Variants in PARG observed in about 807,000 individuals in gnomAD.
The protein encoded by PARG is poly(ADP-ribose) glycohydrolase.
A neutral mutation model predicts 113.0 loss-of-function variants in PARG; 35 were observed. That is an observed-to-expected ratio of 0.31 (90% CI 0.24 to 0.41). PARG has a LOEUF of 0.41. Among genes scored for constraint, PARG ranks in the 10% least tolerant of loss-of-function variants. The pLI, the probability that PARG is intolerant of heterozygous loss-of-function variation, is 1.00. For synonymous variants in PARG, 330 were observed against 409.9 expected, an observed-to-expected ratio of 0.81 and a Z score of 2.36; for missense variants, 797 against 1,169.4, an observed-to-expected ratio of 0.68 and a Z score of 4.64.
At chr10:49,848,813 G>C (rs1372961133) in intron 13 of PARG, among the ~76,000 whole-genome samples, 1 of 152,002 alleles carries the variant, frequency 6.6e-6, no homozygotes, top group African/African-American at 2.4e-5. Flanking sequence ...AAATGCTTAC[G>C]GATAAATCTG....
intron 4 of PARG, among the ~76,000 whole-genome samples, chr10:49,922,982 A>G (rs1837965467): frequency 6.6e-6 from 1 of 152,192 alleles, no homozygotes; most frequent in African/African-American, 2.4e-5. Context: ...AACCCTTTCT[A>G]AAGAACTCCC....
At chr10:49,870,029 C>T (rs1436685182) in intron 9 of PARG, among the ~76,000 whole-genome samples, 3 of 152,088 alleles carry the variant, frequency 2.0e-5, no homozygotes, top group African/African-American at 7.3e-5. Context: ...GCAGGTATAA[C>T]AAGATATCAG....
At chr10:49,830,307 T>C (rs1844594456) in intron 16 of PARG, among the ~76,000 whole-genome samples, 1 of 152,208 alleles carries the variant, frequency 6.6e-6, no homozygotes, top group South Asian at 2.1e-4. Context: ...AAAAAGTATC[T>C]GTCGTAAGAT....
chr10:49,836,306 A>C (rs147172765), intron 15 of PARG, among the ~76,000 whole-genome samples: 1,558 of 26,278 alleles, frequency 0.059, 41 homozygotes, highest in Middle Eastern at 0.17. Flanking sequence ...ATTTCTTACG[A>C]CTTTTTTTTT....
chr10:49,907,252 A>G (rs1836904783), intron 7 of PARG, among the ~76,000 whole-genome samples: 1 of 152,228 alleles, frequency 6.6e-6, no homozygotes, highest in Non-Finnish European at 1.5e-5. Context: ...AACTTCATTA[A>G]CACACTATAA....
chr10:49,926,056 G>A (rs1214566947), intron 4 of PARG, among the ~76,000 whole-genome samples: 9 of 152,184 alleles, frequency 5.9e-5, no homozygotes, highest in Admixed American at 5.9e-4. Context: ...TAGATAAGGT[G>A]GGCATGTGAA....
At chr10:49,924,969 A>C (rs1838079707) in intron 4 of PARG, among the ~76,000 whole-genome samples, 2 of 152,166 alleles carry the variant, frequency 1.3e-5, no homozygotes, top group African/African-American at 4.8e-5. Context: ...AGCAAGGCTG[A>C]GCTCTGCCTT....
In PARG at chr10:49,885,089, T is replaced by C. The variant is rs186942984; in HGVS notation, c.1830+114A>G. 12 of 741,088 alleles carry C rather than the reference T, an allele frequency of 1.6e-5. No homozygotes were observed. In the East Asian group the frequency reaches 2.8e-4, roughly 17 times the overall value. 45.9% of individuals were successfully genotyped at this position (741,088 alleles called of 1,614,324 possible). On this transcript the variant is annotated intron_variant, in intron 8 of 17. Coordinates refer to ENST00000616448, the MANE Select transcript of PARG (RefSeq NM_003631.5). ...CTCTTCCTCTCTCTCTCTCTCTCTCTCTCTCTGTCTCTCTGTCTCTCTCTC... is the reference window on the plus strand; with the variant it reads ...CTCTTCCTCTCTCTCTCTCTCTCTCCCTCTCTGTCTCTCTGTCTCTCTCTC...
intron 7 of PARG, among the ~76,000 whole-genome samples, chr10:49,907,961 CA>C (rs1554845398): frequency 6.6e-6 from 1 of 152,166 alleles, no homozygotes; most frequent in Non-Finnish European, 1.5e-5. Context: ...AGTTATAGGA[CA>C]AACTAAGTAC....
At chr10:49,884,159 A>C (rs1554839982) in intron 8 of PARG, among the ~76,000 whole-genome samples, 2 of 151,658 alleles carry the variant, frequency 1.3e-5, no homozygotes, top group Non-Finnish European at 2.9e-5. Flanking sequence ...CCTGATCCAC[A>C]ACCACTCAGT....
chr10:49,906,753 T>C (rs1308068800), intron 7 of PARG, among the ~76,000 whole-genome samples: 1 of 152,112 alleles, frequency 6.6e-6, no homozygotes, highest in African/African-American at 2.4e-5. Flanking sequence ...TCGCCAAAGA[T>C]AACCAAATAA....
intron 8 of PARG, among the ~76,000 whole-genome samples, chr10:49,881,180 C>T (rs1163788778): frequency 1.3e-5 from 2 of 152,124 alleles, no homozygotes; most frequent in African/African-American, 4.8e-5. Context: ...TTGAATCTAC[C>T]TAAGACCTGT....
At position 49,832,828 on chromosome 10, in the gene PARG, G is replaced by A. The variant is rs1554830490; in HGVS notation, c.2622C>T (p.Ala874=). ...AVATGNWGCG[A]FGGDARLKAL... is the part of the protein sequence containing the mutation. Reference sequence around the variant, plus strand: ...CTTTTAACCTGGCATCACCCCCAAAGGCACCACAGCCCCAGTTTCCTGTGG... The same window carrying A: ...CTTTTAACCTGGCATCACCCCCAAAAGCACCACAGCCCCAGTTTCCTGTGG... The change falls in exon 16 of 18, where the codon GCC becomes GCT. Residue 874 remains alanine, a synonymous_variant. Transcript: ENST00000616448. 1 of 1,548,674 alleles carries A rather than the reference G, an allele frequency of 6.5e-7. No individual in the cohort carries two copies. Among genetic ancestry groups the A allele is most frequent in the Non-Finnish European group, 8.7e-7 (1 of 1,144,492 alleles).
chr10:49,931,989 T>C (rs1838510415), intron 4 of PARG, 111 bp downstream of exon 4: 1 of 676,470 alleles, frequency 1.5e-6, no homozygotes, highest in Non-Finnish European at 2.6e-6. Flanking sequence ...ATTTTATATA[T>C]GCAGAAAACA....
At chr10:49,910,112 T>C (rs1414995159) in intron 7 of PARG, among the ~76,000 whole-genome samples, 2 of 152,154 alleles carry the variant, frequency 1.3e-5, no homozygotes, top group Admixed American at 1.3e-4. Flanking sequence ...ATTTACCTTT[T>C]AAATTAAGTA....
chr10:49,832,319 G>GA (rs1448397306), intron 16 of PARG, among the ~76,000 whole-genome samples: 1 of 152,164 alleles, frequency 6.6e-6, no homozygotes, highest in Non-Finnish European at 1.5e-5. Context: ...TACTGCATCG[G>GA]TCTCATACTG....
chr10:49,914,716 A>G (rs1267054194), intron 7 of PARG, among the ~76,000 whole-genome samples: 1 of 152,226 alleles, frequency 6.6e-6, no homozygotes, highest in Non-Finnish European at 1.5e-5. Context: ...CTATGCAACC[A>G]AGACTGTGTG....
rs11101240 is a variant in PARG at position 49,835,484 on chromosome 10, A to T, written c.2542-2576T>A. Among the ~76,000 whole-genome samples the T allele has an allele frequency of 4.9e-3, 742 of 152,258 alleles. 10 individuals are homozygous for T. The highest frequency in any genetic ancestry group is 0.024 in the Middle Eastern group (7 of 294). On this transcript the variant is annotated intron_variant, in intron 15 of 17. Transcript: ENST00000616448. ...TCTCTTGGAATGAGTTTTGATGGGA[A>T]GGGAAGAAGACAGCGAACATAAAGG...
At position 49,922,333 on chromosome 10, in the gene PARG, T is replaced by C. The variant is rs1554849476; in HGVS notation, c.1662+3A>G. 3 of 1,595,502 alleles carry C rather than the reference T, an allele frequency of 1.9e-6. No homozygotes were observed. Among genetic ancestry groups the C allele is most frequent in the Admixed American group, 1.7e-5 (1 of 57,796 alleles). ...ACAGGCAAGCATGGTAAAAACAACA[T>C]ACCTTCAAGTTTTGGGGTCGTGTAA... On this transcript the variant is annotated splice_donor_region_variant and intron_variant, in intron 6 of 17. Coordinates refer to ENST00000616448, the MANE Select transcript of PARG (RefSeq NM_003631.5).
Sources: allele counts gnomAD v4.1 joint callset (sites outside exome capture counted in the v4.1 genomes callset), GRCh38; gene constraint gnomAD v4.1.1; transcripts MANE v1.5; gene names NCBI Gene and HGNC (gene_info 2026-07-23, HGNC 2026-07-21).